EP300: variants seen among roughly 807,000 people sequenced by gnomAD.
The protein encoded by EP300 is EP300 lysine acetyltransferase, also known as histone acetyltransferase p300.
In EP300, 31 loss-of-function variants were observed where a neutral mutation model predicts 264.0. That is an observed-to-expected ratio of 0.12 (90% CI 0.09 to 0.16). The LOEUF (loss-of-function observed/expected upper bound fraction) is 0.16, where lower values mean the gene tolerates loss of function less well. Among genes scored for constraint, EP300 ranks in the 10% least tolerant of loss-of-function variants. EP300 has a pLI of 1.00. For synonymous variants in EP300, 1,340 were observed against 1,045.4 expected, an observed-to-expected ratio of 1.28 and a Z score of -5.44; for missense variants, 2,766 against 3,052.9, an observed-to-expected ratio of 0.91 and a Z score of 2.21.
chr22:41,094,221 C>T (rs1029230556), intron 1 of EP300, among the ~76,000 whole-genome samples: 2 of 152,180 alleles, frequency 1.3e-5, no homozygotes, highest in African/African-American at 2.4e-5. Flanking sequence ...AGATGTTCCC[C>T]TTTACTACGG....
At chr22:41,095,232 A>ATTTTTTTT (rs66515117) in intron 1 of EP300, among the ~76,000 whole-genome samples, 20 of 80,244 alleles carry the variant, frequency 2.5e-4, no homozygotes, top group African/African-American at 4.4e-4. Context: ...TACCATTGTA[A>ATTTTTTTT]TTTTTTTTTT....
chr22:41,148,712 C>T (rs1305454649), intron 12 of EP300: 1 of 384,552 alleles, frequency 2.6e-6, no homozygotes, highest in East Asian at 5.7e-5. Flanking sequence ...GATTAACTCT[C>T]CTCACTTAAC....
chr22:41,136,919 G>T (rs1276742054), intron 7 of EP300, among the ~76,000 whole-genome samples: 1 of 152,066 alleles, frequency 6.6e-6, no homozygotes, highest in African/African-American at 2.4e-5. Flanking sequence ...AATTAGCCGG[G>T]CATGGTGGCA....
At chr22:41,114,357 T>A (rs1425049728) in intron 1 of EP300, among the ~76,000 whole-genome samples, 1 of 152,108 alleles carries the variant, frequency 6.6e-6, no homozygotes, top group Admixed American at 6.6e-5. Flanking sequence ...AAGTTTTGTA[T>A]TTTTTTGTGC....
At chr22:41,168,027 G>A (rs1328669337) in intron 23 of EP300, among the ~76,000 whole-genome samples, 1 of 150,732 alleles carries the variant, frequency 6.6e-6, no homozygotes, top group Non-Finnish European at 1.5e-5. Context: ...TCAGCATGTT[G>A]GCCAGGCTGG....
Position 41,169,509 on chromosome 22 carries a change from A to G in EP300, c.4179A>G (p.Val1393=), listed in dbSNP as rs2145764960. Residue 1393 remains valine (V), a synonymous_variant, in exon 26 of 31, where the codon GTA becomes GTG. Transcript: ENST00000263253. Reference sequence around the variant, plus strand: ...TTCTCTTCATTTTGTATAGGAGAGTATACATATCTTACCTCGATAGTGTTC... The same window carrying G: ...TTCTCTTCATTTTGTATAGGAGAGTGTACATATCTTACCTCGATAGTGTTC... ...SDCPPPNQRR[V]YISYLDSVHF... The G allele has an allele frequency of 4.4e-6, 7 of 1,597,820 alleles. No homozygotes were observed. The highest frequency in any genetic ancestry group is 6.0e-6 in the Non-Finnish European group (7 of 1,167,716).
At chr22:41,115,900 C>T (rs1159274332) in intron 1 of EP300, among the ~76,000 whole-genome samples, 2 of 152,160 alleles carry the variant, frequency 1.3e-5, no homozygotes, top group East Asian at 1.9e-4. Flanking sequence ...GGTGGATAGC[C>T]CTCTGCTTAA....
Position 41,149,946 on chromosome 22 carries a change from A to G in EP300, c.2565A>G (p.Pro855=). Residue 855 remains proline (P), a synonymous_variant, in exon 14 of 31, where the codon CCA becomes CCG. Transcript: ENST00000263253. ...TPPSIGAQQP[P]ATTIPAPVPT... ...CAAGCATAGGGGCTCAGCAGCCACC[A>G]GCAACAACAATTCCAGCCCCTGTTC... is the stretch of plus-strand genomic sequence containing the variant. 1.2e-6 allele frequency: 2 copies of G among 1,612,530 alleles called. No individual in the cohort carries two copies. Among genetic ancestry groups the G allele is most frequent in the Non-Finnish European group, 8.5e-7 (1 of 1,179,686 alleles).
intron 13 of EP300, among the ~76,000 whole-genome samples, chr22:41,149,401 A>G (rs866718903): frequency 6.6e-6 from 1 of 152,218 alleles, no homozygotes; most frequent in Admixed American, 6.5e-5. Context: ...GATAGTTTTA[A>G]TTGTTTTTAC....
intron 11 of EP300, 53 bp downstream of exon 11, chr22:41,146,869 A>C: frequency 6.8e-7 from 1 of 1,481,428 alleles, no homozygotes; most frequent in Non-Finnish European, 9.3e-7. Context: ...GTGTACTGCA[A>C]GATAATACTT....
At chr22:41,103,069 C>T (rs1186731583) in intron 1 of EP300, among the ~76,000 whole-genome samples, 2 of 152,072 alleles carry the variant, frequency 1.3e-5, no homozygotes, top group African/African-American at 2.4e-5. Flanking sequence ...AGGCTGGTCT[C>T]GAACTCTGGC....
chr22:41,139,392 G>A (rs2058969587), intron 8 of EP300, among the ~76,000 whole-genome samples: 1 of 152,186 alleles, frequency 6.6e-6, no homozygotes, highest in Non-Finnish European at 1.5e-5. Flanking sequence ...TTTATTTAAT[G>A]GACAGAGATG....
intron 1 of EP300, among the ~76,000 whole-genome samples, chr22:41,097,789 T>G (rs2058710042): frequency 6.6e-6 from 1 of 151,788 alleles, no homozygotes; most frequent in Admixed American, 6.6e-5. Context: ...AGTCTAAAAT[T>G]TTTCTTTTTT....
At chr22:41,158,544 T>G (rs773365694) in intron 19 of EP300, 44 bp downstream of exon 19, 1 of 1,521,874 alleles carries the variant, frequency 6.6e-7, no homozygotes, top group South Asian at 1.1e-5. Flanking sequence ...TGTCCACATG[T>G]CCAGGGAGTG....
intron 1 of EP300, among the ~76,000 whole-genome samples, chr22:41,114,159 A>G (rs536257917): frequency 6.6e-6 from 1 of 152,214 alleles, no homozygotes; most frequent in South Asian, 2.1e-4. Flanking sequence ...CAGTTTTGTT[A>G]CACATTTGGG....
intron 10 of EP300, among the ~76,000 whole-genome samples, chr22:41,145,741 A>T (rs970246595): frequency 6.6e-6 from 1 of 151,936 alleles, no homozygotes; most frequent in Non-Finnish European, 1.5e-5. Flanking sequence ...GGTTCACGCC[A>T]TTCTCCTGCC....
At chr22:41,128,604 T>TTCA (rs1445715461) in intron 4 of EP300, among the ~76,000 whole-genome samples, 1 of 152,032 alleles carries the variant, frequency 6.6e-6, no homozygotes, top group Non-Finnish European at 1.5e-5. Context: ...ACCTTCCAGG[T>TTCA]TCATGCCATT....
chr22:41,160,825 A>G, intron 20 of EP300, 103 bp downstream of exon 20: 1 of 1,040,002 alleles, frequency 9.6e-7, no homozygotes, highest in Admixed American at 1.9e-5. Context: ...TGAATATGGT[A>G]GCCATTAGCC....
intron 15 of EP300, 33 bp from the exon 16 acceptor site, chr22:41,152,173 T>C (rs779071879): frequency 5.0e-6 from 8 of 1,609,948 alleles, no homozygotes; most frequent in Non-Finnish European, 6.0e-6. Flanking sequence ...TAGATATCTT[T>C]GGAATACTAA....
Sources: allele counts gnomAD v4.1 joint callset (sites outside exome capture counted in the v4.1 genomes callset), GRCh38; gene constraint gnomAD v4.1.1; transcripts MANE v1.5; gene names NCBI Gene and HGNC (gene_info 2026-07-23, HGNC 2026-07-21).